Variants in CEP192 observed in about 807,000 individuals in gnomAD.
The protein encoded by CEP192 is centrosomal protein 192, also known as centrosomal protein of 192 kDa.
A neutral mutation model predicts 271.8 loss-of-function variants in CEP192; 151 were observed. The ratio of observed to expected loss-of-function variants is 0.56; its 90% confidence interval spans 0.49 to 0.64. The LOEUF is 0.64. Among genes scored for constraint, CEP192 ranks in the 30% least tolerant of loss-of-function variants. The pLI is 0.00. For missense variants in CEP192, 2,910 were observed against 3,020.5 expected (o/e 0.96, Z 0.86); for synonymous variants, 995 against 1,076.5 (o/e 0.92, Z 1.48).
intron 21 of CEP192, among the ~76,000 whole-genome samples, chr18:13,060,929 G>GA (rs10716258): frequency 8.8e-5 from 13 of 148,186 alleles, no homozygotes; most frequent in Admixed American, 2.7e-4. Context: ...GTCTTAAAAG[G>GA]AAAAAAAAAA....
intron 11 of CEP192, among the ~76,000 whole-genome samples, chr18:13,032,783 C>T (rs1477350674): frequency 6.6e-6 from 1 of 152,318 alleles, no homozygotes; most frequent in South Asian, 2.1e-4. Flanking sequence ...GAATCACCCT[C>T]CCCTCCCTCA....
intron 44 of CEP192, among the ~76,000 whole-genome samples, chr18:13,123,777 C>G (rs1026026409): frequency 6.6e-6 from 1 of 152,124 alleles, no homozygotes; most frequent in African/African-American, 2.4e-5. Context: ...CAAAAACAAA[C>G]CCCCTAGAAT....
At chr18:13,092,645 C>A in intron 34 of CEP192, 118 bp downstream of exon 34, 1 of 763,512 alleles carries the variant, frequency 1.3e-6, no homozygotes, top group Non-Finnish European at 2.1e-6. Context: ...ATTTTTATTT[C>A]ACCTTTATTT....
chr18:13,079,260 A>G (rs1213733868), intron 30 of CEP192, among the ~76,000 whole-genome samples: 1 of 152,188 alleles, frequency 6.6e-6, no homozygotes, highest in East Asian at 1.9e-4. Context: ...CAACAGTGTA[A>G]AAGTTTTCCT....
At chr18:13,112,046 C>T (rs920822195) in intron 40 of CEP192, among the ~76,000 whole-genome samples, 3 of 152,230 alleles carry the variant, frequency 2.0e-5, no homozygotes, top group South Asian at 4.1e-4. Context: ...ATGGTACAGC[C>T]GCTATGGAAA....
intron 9 of CEP192, among the ~76,000 whole-genome samples, chr18:13,020,977 C>A (rs1008420981): frequency 1.3e-5 from 2 of 152,104 alleles, no homozygotes; most frequent in Non-Finnish European, 2.9e-5. Context: ...TAAGTCCTTA[C>A]CAAATGTATG....
At position 13,052,939 on chromosome 18, in the gene CEP192, G is replaced by A. The variant is rs2036879021; in HGVS notation, c.3038G>A (p.Gly1013Asp). ...TTCAGGTGTGCGTTAGAGTCCTTTGGTTCAGCAGCTCAGCAGCAGCAGCCT... is the reference window on the plus strand; with the variant it reads ...TTCAGGTGTGCGTTAGAGTCCTTTGATTCAGCAGCTCAGCAGCAGCAGCCT... ...SSSGCALESF[G>D]SAAQQQQPPC... Residue 1013 changes from glycine (G) to aspartate (D), a missense_variant, in exon 18 of 45, where the codon GGT (glycine) becomes GAT (aspartate). Coordinates refer to ENST00000506447, the MANE Select transcript of CEP192 (RefSeq NM_032142.4). The A allele has an allele frequency of 6.2e-7, 1 of 1,609,838 alleles. No individual in the cohort carries two copies. The highest frequency in any genetic ancestry group is 2.2e-5 in the East Asian group (1 of 44,794).
At chr18:13,006,477 C>T (rs371673093) in intron 3 of CEP192, among the ~76,000 whole-genome samples, 7 of 152,248 alleles carry the variant, frequency 4.6e-5, no homozygotes, top group African/African-American at 1.4e-4. Context: ...GCAGGGGTCC[C>T]GGAACCAGTC....
intron 40 of CEP192, among the ~76,000 whole-genome samples, chr18:13,112,229 T>C (rs1293058765): frequency 2.0e-5 from 3 of 152,238 alleles, no homozygotes; most frequent in African/African-American, 7.2e-5. Flanking sequence ...CACCCAAATG[T>C]CTGATGGGTC....
At chr18:13,106,136 A>C (rs914498078) in intron 40 of CEP192, among the ~76,000 whole-genome samples, 1 of 152,196 alleles carries the variant, frequency 6.6e-6, no homozygotes, top group African/African-American at 2.4e-5. Context: ...ATCTGGAGGC[A>C]TCATGCTACC....
At chr18:13,110,982 A>G (rs574063800) in intron 40 of CEP192, among the ~76,000 whole-genome samples, 2 of 152,322 alleles carry the variant, frequency 1.3e-5, no homozygotes, top group African/African-American at 2.4e-5. Flanking sequence ...GCTCACCCAC[A>G]TTAGGGTGGG....
chr18:13,010,409 G>C (rs2034269947), intron 4 of CEP192, among the ~76,000 whole-genome samples: 1 of 152,026 alleles, frequency 6.6e-6, no homozygotes, highest in Non-Finnish European at 1.5e-5. Flanking sequence ...TTTAAGGGAG[G>C]TTTGTATTTC....
In CEP192 at chr18:13,068,865, A is replaced by G. The variant is rs760942154; in HGVS notation, c.4836A>G (p.Ser1612=). The part of the protein sequence containing the change: ...KQISSSDILD[S]AEEFSAKVDI... ...ACTTTTTTTTAGATATTCTGGACTC[A>G]GCAGAAGAATTCTCGGCAAAAGTTG... Residue 1612 remains serine, a synonymous_variant, in exon 25 of 45, where the codon TCA becomes TCG. Coordinates refer to ENST00000506447, the MANE Select transcript of CEP192 (RefSeq NM_032142.4). The G allele has an allele frequency of 2.5e-6, 4 of 1,614,076 alleles. No individual in the cohort carries two copies. Among genetic ancestry groups the G allele is most frequent in the Non-Finnish European group, 3.4e-6 (4 of 1,180,036 alleles).
chr18:13,028,167 T>A (rs922031707), intron 9 of CEP192, among the ~76,000 whole-genome samples: 1 of 152,216 alleles, frequency 6.6e-6, no homozygotes, highest in Non-Finnish European at 1.5e-5. Flanking sequence ...TCTCTGTGTG[T>A]TCACGTGGCC....
chr18:13,024,532 G>A (rs201680588), intron 9 of CEP192, among the ~76,000 whole-genome samples: 4 of 151,810 alleles, frequency 2.6e-5, no homozygotes, highest in African/African-American at 7.2e-5. Flanking sequence ...GTGCAATCTC[G>A]GCTCACTGCA....
intron 28 of CEP192, among the ~76,000 whole-genome samples, chr18:13,072,076 T>C (rs1214518403): frequency 6.6e-6 from 1 of 152,230 alleles, no homozygotes; most frequent in East Asian, 1.9e-4. Flanking sequence ...TAGCCAAAGT[T>C]GTCTGCGTTT....
intron 11 of CEP192, among the ~76,000 whole-genome samples, chr18:13,031,493 C>G (rs1321375311): frequency 6.6e-6 from 1 of 151,970 alleles, no homozygotes; most frequent in Non-Finnish European, 1.5e-5. Flanking sequence ...GTGATCTGCC[C>G]GCCTCGGCCT....
chr18:13,038,246 T>G (rs2036015666), intron 12 of CEP192, 124 bp from the exon 13 acceptor site: 1 of 739,762 alleles, frequency 1.4e-6, no homozygotes. Context: ...AATTTTTTTT[T>G]TGTCTAGTTT....
At chr18:13,072,883 C>G in intron 29 of CEP192, 38 bp downstream of exon 29, 1 of 1,554,028 alleles carries the variant, frequency 6.4e-7, no homozygotes, top group East Asian at 2.2e-5. Flanking sequence ...TGTCTTCTGT[C>G]TGGGTCTGGA....
Sources: gnomAD v4.1 joint callset for allele counts (sites outside exome capture counted in the v4.1 genomes callset) on GRCh38, gnomAD v4.1.1 for gene constraint, MANE v1.5 for transcripts, NCBI Gene and HGNC (gene_info 2026-07-23, HGNC 2026-07-21) for gene names.